Variants in ADAMTS12 observed in about 807,000 individuals in gnomAD.
The protein encoded by ADAMTS12 is A disintegrin and metalloproteinase with thrombospondin motifs 12.
ADAMTS12 carries 118 observed loss-of-function variants against 167.8 expected under a neutral mutation model. That is an observed-to-expected ratio of 0.70 (90% CI 0.61 to 0.82). ADAMTS12 has a LOEUF of 0.82. Ranked by LOEUF, ADAMTS12 falls within the 40% of genes least tolerant of loss-of-function variation. The probability of loss-of-function intolerance (pLI) is 0.00; values close to 1 mark genes in which losing one functional copy is unlikely to be tolerated. For missense variants in ADAMTS12, 1,916 were observed against 1,998.8 expected (o/e 0.96, Z 0.79); for synonymous variants, 704 against 716.9 (o/e 0.98, Z 0.29).
chr5:33,588,498 G>T, intron 18 of ADAMTS12, 101 bp downstream of exon 18: 1 of 1,412,418 alleles, frequency 7.1e-7, no homozygotes, highest in Non-Finnish European at 1.0e-6. Context: ...TGGCTATTTT[G>T]CAATTTTACC....
At chr5:33,564,275 A>G (rs1286111657) in intron 19 of ADAMTS12, among the ~76,000 whole-genome samples, 1 of 152,242 alleles carries the variant, frequency 6.6e-6, no homozygotes, top group East Asian at 1.9e-4. Flanking sequence ...AGGAAATTCC[A>G]GGGAGAGGAA....
chr5:33,789,771 G>T (rs1387035002), intron 2 of ADAMTS12, among the ~76,000 whole-genome samples: 1 of 152,128 alleles, frequency 6.6e-6, no homozygotes, highest in Non-Finnish European at 1.5e-5. Flanking sequence ...AAACACAGGG[G>T]AAAGTCCATT....
chr5:33,595,021 C>T (rs1436428325), intron 17 of ADAMTS12, among the ~76,000 whole-genome samples: 1 of 152,138 alleles, frequency 6.6e-6, no homozygotes, highest in Non-Finnish European at 1.5e-5. Flanking sequence ...ATAAATACAT[C>T]CCTGTTTAAG....
At chr5:33,545,700 T>G (rs1281041741) in intron 22 of ADAMTS12, among the ~76,000 whole-genome samples, 1 of 152,166 alleles carries the variant, frequency 6.6e-6, no homozygotes, top group Non-Finnish European at 1.5e-5. Context: ...GATGAGTTCA[T>G]GTCCTTTGTA....
intron 3 of ADAMTS12, among the ~76,000 whole-genome samples, chr5:33,737,413 G>C (rs913891597): frequency 4.6e-5 from 7 of 152,196 alleles, no homozygotes; most frequent in Admixed American, 4.6e-4. Context: ...TGGTTGCCAG[G>C]GGCTGGGGAA....
At chr5:33,858,333 G>A (rs535987832) in intron 2 of ADAMTS12, among the ~76,000 whole-genome samples, 1 of 152,322 alleles carries the variant, frequency 6.6e-6, no homozygotes, top group East Asian at 1.9e-4. Context: ...AATGCTGAGA[G>A]GAAAAGCTAA....
chr5:33,784,471 T>A (rs1746259161), intron 2 of ADAMTS12, among the ~76,000 whole-genome samples: 1 of 151,922 alleles, frequency 6.6e-6, no homozygotes, highest in South Asian at 2.1e-4. Context: ...AAAAACTTAC[T>A]AGACATAACA....
intron 16 of ADAMTS12, among the ~76,000 whole-genome samples, chr5:33,604,550 C>G (rs572337492): frequency 2.0e-5 from 3 of 151,026 alleles, no homozygotes; most frequent in South Asian, 4.2e-4. Flanking sequence ...AACCCCCCAC[C>G]ACCCCCCTAC....
At chr5:33,639,812 T>C (rs1223882758) in intron 11 of ADAMTS12, among the ~76,000 whole-genome samples, 1 of 152,216 alleles carries the variant, frequency 6.6e-6, no homozygotes, top group African/African-American at 2.4e-5. Context: ...TCTCCTTGAA[T>C]GCCCATGAGA....
intron 1 of ADAMTS12, among the ~76,000 whole-genome samples, chr5:33,889,215 G>A (rs1460329750): frequency 6.6e-6 from 1 of 152,128 alleles, no homozygotes; most frequent in Non-Finnish European, 1.5e-5. Context: ...TGGGGAGGCT[G>A]AAGTGGGAGA....
In ADAMTS12 at chr5:33,592,003, C is replaced by T. The variant is rs537457200; in HGVS notation, c.2655-3194G>A. Among the ~76,000 whole-genome samples, 15 of 151,870 alleles carry T rather than the reference C, an allele frequency of 9.9e-5. No individual in the cohort carries two copies. The South Asian group carries it at 1.7e-3, about 17-fold the overall frequency. ...TGGGAGGCTGAGGTGGGCGGATCAC[C>T]TGAGGTCGGGAGTTCGAGACCAGCC... On this transcript the variant is annotated intron_variant, in intron 17 of 23. Transcript: ENST00000504830.
chr5:33,539,984 G>A (rs959379123), intron 22 of ADAMTS12, among the ~76,000 whole-genome samples: 2 of 152,186 alleles, frequency 1.3e-5, no homozygotes, highest in African/African-American at 2.4e-5. Flanking sequence ...CATGGAGGGC[G>A]AGCGGAAGCA....
intron 2 of ADAMTS12, among the ~76,000 whole-genome samples, chr5:33,863,445 T>C (rs1227688266): frequency 6.6e-6 from 1 of 152,170 alleles, no homozygotes; most frequent in African/African-American, 2.4e-5. Flanking sequence ...CATTCACAAT[T>C]GCTACAAAGA....
chr5:33,683,658 C>A (rs1467038094), intron 4 of ADAMTS12, among the ~76,000 whole-genome samples: 1 of 152,070 alleles, frequency 6.6e-6, no homozygotes, highest in Non-Finnish European at 1.5e-5. Flanking sequence ...AAAATGTTCC[C>A]AGGATACACA....
At chr5:33,826,653 A>G (rs1315060275) in intron 2 of ADAMTS12, among the ~76,000 whole-genome samples, 1 of 152,012 alleles carries the variant, frequency 6.6e-6, no homozygotes, top group Non-Finnish European at 1.5e-5. Flanking sequence ...CTTGATGAAA[A>G]TGTGTACCAC....
chr5:33,759,996 G>A (rs562008569), intron 2 of ADAMTS12, among the ~76,000 whole-genome samples: 1 of 152,310 alleles, frequency 6.6e-6, no homozygotes, highest in Admixed American at 6.5e-5. Flanking sequence ...TGGAGAGCTT[G>A]TTAAAAATGC....
At chr5:33,779,505 A>G (rs966794259) in intron 2 of ADAMTS12, among the ~76,000 whole-genome samples, 2 of 152,098 alleles carry the variant, frequency 1.3e-5, no homozygotes, top group Admixed American at 1.3e-4. Context: ...TGTCTTGAAG[A>G]GATGTCTGAA....
chr5:33,692,298 G>A (rs1036813027), intron 3 of ADAMTS12, among the ~76,000 whole-genome samples: 2 of 152,114 alleles, frequency 1.3e-5, no homozygotes, highest in African/African-American at 4.8e-5. Flanking sequence ...AATATGGATG[G>A]TTTCAACAAA....
intron 6 of ADAMTS12, among the ~76,000 whole-genome samples, chr5:33,660,312 C>T (rs925651821): frequency 1.3e-4 from 20 of 152,102 alleles, no homozygotes; most frequent in South Asian, 2.1e-4. Context: ...CAATTGTACC[C>T]GTTAACAGCA....
Sources: allele counts gnomAD v4.1 joint callset (sites outside exome capture counted in the v4.1 genomes callset), GRCh38; gene constraint gnomAD v4.1.1; transcripts MANE v1.5; gene names NCBI Gene and HGNC (gene_info 2026-07-23, HGNC 2026-07-21).